The following SYNE1 variants were observed in gnomAD, a reference collection of about 807,000 sequenced individuals.
The protein encoded by SYNE1 is spectrin repeat containing nuclear envelope protein 1.
SYNE1 carries 616 observed loss-of-function variants against 1,111.0 expected under a neutral mutation model. The ratio of observed to expected loss-of-function variants is 0.55; its 90% confidence interval spans 0.52 to 0.59. The LOEUF is 0.59. Ranked by LOEUF, SYNE1 falls within the 20% of genes least tolerant of loss-of-function variation. The pLI is 0.00. For synonymous variants in SYNE1, 3,855 were observed against 3,825.8 expected, an observed-to-expected ratio of 1.01 and a Z score of -0.28; for missense variants, 10,006 against 10,417.0, an observed-to-expected ratio of 0.96 and a Z score of 1.72.
chr6:152,551,419 G>T (rs557147425), intron 3 of SYNE1, among the ~76,000 whole-genome samples: 2 of 152,250 alleles, frequency 1.3e-5, no homozygotes, highest in South Asian at 4.1e-4. Flanking sequence ...TCAATTTGCT[G>T]ATTATTTGAT....
chr6:152,203,572 A>C (rs1274415656), intron 126 of SYNE1, among the ~76,000 whole-genome samples: 1 of 152,130 alleles, frequency 6.6e-6, no homozygotes, highest in Non-Finnish European at 1.5e-5. Context: ...CTTCCTTCAC[A>C]ATATCTCTTC....
At position 152,401,221 on chromosome 6, in the gene SYNE1, T is replaced by G; in HGVS notation, c.6946A>C (p.Ile2316Leu). 6.2e-7 allele frequency: 1 copy of G among 1,614,188 alleles called. No homozygotes were observed. Among genetic ancestry groups the G allele is most frequent in the East Asian group, 2.2e-5 (1 of 44,878 alleles). The change falls in exon 47 of 146, where the codon ATA (isoleucine) becomes CTA (leucine). Residue 2316 changes from isoleucine (I) to leucine (L), a missense_variant. Coordinates refer to ENST00000367255, the MANE Select transcript of SYNE1 (RefSeq NM_182961.4). ...TCCACTTTTGTGAACCATGTTGTTA[T>G]GTCATTAATAAACTTCTCCACTTGT... ...STQVEKFINDITTWFTKVEES... is the reference protein window; with the variant it reads ...STQVEKFINDLTTWFTKVEES...
At chr6:152,300,591 C>A in intron 93 of SYNE1, 50 bp downstream of exon 93, 5 of 1,612,632 alleles carry the variant, frequency 3.1e-6, no homozygotes, top group Non-Finnish European at 4.2e-6. Context: ...AGAATGGAGT[C>A]CTGCATCTGC....
chr6:152,441,119 C>T lies in SYNE1; in HGVS notation c.4149+11G>A. On this transcript the variant is annotated intron_variant, in intron 32 of 145. Coordinates refer to ENST00000367255, the MANE Select transcript of SYNE1 (RefSeq NM_182961.4). ...TTTCTGAATATTGGGTACCAAGGAG[C>T]CATAATATACCTTTGTTTGTTCCAG... 6.2e-7 allele frequency: 1 copy of T among 1,613,058 alleles called. No homozygotes were observed. Among genetic ancestry groups the T allele is most frequent in the East Asian group, 2.2e-5 (1 of 44,768 alleles).
chr6:152,196,525 C>T (rs1331590024), intron 127 of SYNE1, among the ~76,000 whole-genome samples: 1 of 151,998 alleles, frequency 6.6e-6, no homozygotes, highest in Non-Finnish European at 1.5e-5. Context: ...AGGTCCTTCC[C>T]TTCAATGCAG....
intron 3 of SYNE1, among the ~76,000 whole-genome samples, chr6:152,576,867 C>T (rs1045316057): frequency 1.3e-5 from 2 of 152,102 alleles, no homozygotes; most frequent in African/African-American, 4.8e-5. Context: ...GAAATGGAGA[C>T]ACAATTTGAC....
chr6:152,416,424 G>A lies in SYNE1; in HGVS notation c.6013C>T (p.Arg2005Ter), dbSNP rs200119679. ...GCTTGGCGGGTAGGTTCTTTCAATC[G>A]CTCTTTGTCAGTCCTTTCTTCAATG... The part of the protein sequence containing the change: ...EDIEERTDKE[R>*]LKEPTRQALQ... The change falls in exon 41 of 146, where the codon CGA (arginine) becomes TGA (stop). Residue 2005 changes from arginine to a stop codon, truncating the protein, a stop_gained. Coordinates refer to ENST00000367255, the MANE Select transcript of SYNE1 (RefSeq NM_182961.4). LOFTEE classifies it high-confidence loss of function. 4 of 1,614,012 alleles carry A rather than the reference G, an allele frequency of 2.5e-6. No homozygotes were observed. Among genetic ancestry groups the A allele is most frequent in the Non-Finnish European group, 1.7e-6 (2 of 1,180,018 alleles).
rs559946556 is a variant in SYNE1, at chr6:152,504,017, A to G, written c.778+1184T>C. On this transcript the variant is annotated intron_variant, in intron 9 of 145. Coordinates refer to ENST00000367255, the MANE Select transcript of SYNE1 (RefSeq NM_182961.4). The stretch of plus-strand genomic sequence containing the variant: ...TAGAGGAATGTCTTATATCTAGGAT[A>G]GCCTTGTATTTAGGCAACCTCAGTT... Among the ~76,000 whole-genome samples the G allele has an allele frequency of 1.0e-3, 154 of 152,268 alleles. 2 individuals are homozygous for G. Among genetic ancestry groups the G allele is most frequent in the Middle Eastern group, 6.8e-3 (2 of 294 alleles).
chr6:152,531,362 T>C (rs2099200318), intron 4 of SYNE1, among the ~76,000 whole-genome samples: 1 of 152,184 alleles, frequency 6.6e-6, no homozygotes. Flanking sequence ...GGTGTTACAT[T>C]GGTGGGTAGA....
chr6:152,491,434 A>G (rs12201105), intron 11 of SYNE1, among the ~76,000 whole-genome samples: 18,019 of 151,810 alleles, frequency 0.12, 1,587 homozygotes, highest in East Asian at 0.46. Flanking sequence ...CTCCTTCACT[A>G]TGGGCAAGCT....
At chr6:152,409,297 T>G in intron 43 of SYNE1, 71 bp from the exon 44 acceptor site, 1 of 1,475,482 alleles carries the variant, frequency 6.8e-7, no homozygotes, top group Non-Finnish European at 9.4e-7. Context: ...CATTTGTCTC[T>G]AAGAAATTTA....
At chr6:152,217,714 A>C (rs2079076651) in intron 121 of SYNE1, among the ~76,000 whole-genome samples, 1 of 152,078 alleles carries the variant, frequency 6.6e-6, no homozygotes, top group South Asian at 2.1e-4. Context: ...GACTGGGTAC[A>C]GGAACATGGA....
intron 69 of SYNE1, among the ~76,000 whole-genome samples, chr6:152,352,704 A>G (rs1368769075): frequency 1.3e-5 from 2 of 152,146 alleles, no homozygotes; most frequent in Non-Finnish European, 2.9e-5. Context: ...GTGCCTGGCC[A>G]TTTCTTTTCC....
rs200745298 is a variant in SYNE1 at position 152,452,189 on chromosome 6, T to C, written c.3028-984A>G. 3.9e-5 allele frequency among the ~76,000 whole-genome samples: 6 copies of C among 152,264 alleles called. No individual in the cohort carries two copies. The East Asian group carries it at 1.2e-3, about 29-fold the overall frequency. ...CTTTAGTCCCATAATTAATTTTAAC[T>C]AACTTCTATCCTATGGCATTTTAAA... is the stretch of plus-strand genomic sequence containing the variant. On this transcript the variant is annotated intron_variant, in intron 25 of 145. Coordinates refer to ENST00000367255, the MANE Select transcript of SYNE1 (RefSeq NM_182961.4).
intron 21 of SYNE1, among the ~76,000 whole-genome samples, chr6:152,459,131 C>A (rs372797343): frequency 2.0e-5 from 3 of 152,024 alleles, no homozygotes; most frequent in Admixed American, 1.3e-4. Flanking sequence ...ACCACTGAGA[C>A]AAATAAATGG....
chr6:152,552,247 T>C (rs2128143393), intron 3 of SYNE1, among the ~76,000 whole-genome samples: 1 of 152,102 alleles, frequency 6.6e-6, no homozygotes, highest in East Asian at 1.9e-4. Flanking sequence ...TCTCAGAGAG[T>C]GCTTTCAAAG....
Position 152,425,391 on chromosome 6 carries a change from T to G in SYNE1, c.5257A>C (p.Ile1753Leu). 1 of 1,614,116 alleles carries G rather than the reference T, an allele frequency of 6.2e-7. No homozygotes were observed. ...TCTTTTAGAACCAACCTTTTGTTAA[T>G]GATCTGTGGTAAATCTCTCCATCTC... ...DERWRDLPQIINKRINFLQSV... is the reference protein window; with the variant it reads ...DERWRDLPQILNKRINFLQSV... Residue 1753 changes from isoleucine (I) to leucine (L), a missense_variant, in exon 39 of 146, where the codon ATT (isoleucine) becomes CTT (leucine). Ile to Leu is a conservative substitution (Grantham distance 5, BLOSUM62 2). Around this residue, in one of 7 missense-constraint regions of SYNE1, gnomAD observed 1,971 missense variants for 2,084.1 expected, o/e 0.95. Coordinates refer to ENST00000367255, the MANE Select transcript of SYNE1 (RefSeq NM_182961.4).
intron 3 of SYNE1, among the ~76,000 whole-genome samples, chr6:152,610,111 G>A (rs370864960): frequency 9.9e-5 from 15 of 152,258 alleles, no homozygotes; most frequent in East Asian, 3.9e-4. Flanking sequence ...ACAGCTCCTC[G>A]CCAGCAATGG....
chr6:152,402,160 G>T (rs571809120), intron 46 of SYNE1, among the ~76,000 whole-genome samples: 22 of 152,208 alleles, frequency 1.4e-4, no homozygotes, highest in African/African-American at 5.1e-4. Context: ...TCACTGGATG[G>T]GCATCTGTGC....
Sources: gnomAD v4.1 joint callset for allele counts (sites outside exome capture counted in the v4.1 genomes callset) on GRCh38, gnomAD v4.1.1 for gene constraint, gnomAD v4.1.1 regional missense constraint, MANE v1.5 for transcripts, NCBI Gene and HGNC (gene_info 2026-07-23, HGNC 2026-07-21) for gene names.